SGCZ: variants seen among roughly 807,000 people sequenced by gnomAD.
The protein encoded by SGCZ is zeta-sarcoglycan.
A neutral mutation model predicts 41.3 loss-of-function variants in SGCZ; 40 were observed. That is an observed-to-expected ratio of 0.97 (90% CI 0.75 to 1.26). The LOEUF is 1.26. SGCZ is among the 50% of genes most tolerant of loss of function. SGCZ has a pLI of 0.00. For synonymous variants in SGCZ, 206 were observed against 137.5 expected, an observed-to-expected ratio of 1.50 and a Z score of -3.49; for missense variants, 552 against 369.8, an observed-to-expected ratio of 1.49 and a Z score of -4.04.
At chr8:14,300,948 T>G (rs1801164308) in intron 3 of SGCZ, among the ~76,000 whole-genome samples, 1 of 151,666 alleles carries the variant, frequency 6.6e-6, no homozygotes, top group South Asian at 2.1e-4. Flanking sequence ...GGAGGTAGAG[T>G]GAAGATGCAG....
At chr8:14,581,372 G>C (rs1485671392) in intron 1 of SGCZ, among the ~76,000 whole-genome samples, 1 of 151,950 alleles carries the variant, frequency 6.6e-6, no homozygotes, top group African/African-American at 2.4e-5. Flanking sequence ...CTTCCAAAAT[G>C]CTGGGAATAC....
intron 2 of SGCZ, among the ~76,000 whole-genome samples, chr8:14,466,114 A>C (rs1295499177): frequency 1.3e-5 from 2 of 151,924 alleles, no homozygotes; most frequent in Non-Finnish European, 2.9e-5. Flanking sequence ...CCACCCTGAT[A>C]GAATCCCTTG....
chr8:15,233,938 C>G (rs1269246753), intron 1 of SGCZ, among the ~76,000 whole-genome samples: 1 of 152,010 alleles, frequency 6.6e-6, no homozygotes, highest in Non-Finnish European at 1.5e-5. Context: ...GATCTCAAAG[C>G]AAATAACAAT....
intron 1 of SGCZ, among the ~76,000 whole-genome samples, chr8:15,131,677 G>GT (rs34335241): frequency 4.6e-5 from 7 of 152,258 alleles, no homozygotes; most frequent in Admixed American, 4.6e-4. Context: ...TCAAGGAAAA[G>GT]TTTTTTCCTG....
chr8:14,216,742 A>AAC (rs71209020), intron 4 of SGCZ, among the ~76,000 whole-genome samples: 1 of 152,090 alleles, frequency 6.6e-6, no homozygotes, highest in Admixed American at 6.6e-5. Context: ...CTTAAAAAAA[A>AAC]CAAAAACCTA....
chr8:14,720,670 A>G (rs2130181770), intron 1 of SGCZ, among the ~76,000 whole-genome samples: 1 of 152,162 alleles, frequency 6.6e-6, no homozygotes, highest in African/African-American at 2.4e-5. Context: ...CATTCATTTA[A>G]ATATTGTCTA....
At chr8:14,325,874 A>T (rs1370309519) in intron 2 of SGCZ, among the ~76,000 whole-genome samples, 4 of 147,328 alleles carry the variant, frequency 2.7e-5, no homozygotes, top group Non-Finnish European at 6.0e-5. Context: ...GTACTTCGGA[A>T]CGTAGAGGCG....
intron 2 of SGCZ, among the ~76,000 whole-genome samples, chr8:14,339,818 CA>C (rs1211831631): frequency 9.9e-5 from 15 of 151,494 alleles, no homozygotes; most frequent in African/African-American, 3.6e-4. Context: ...AAAATATGTG[CA>C]TAAAATTGAC....
chr8:14,951,135 T>C (rs1032175131), intron 1 of SGCZ, among the ~76,000 whole-genome samples: 99 of 151,976 alleles, frequency 6.5e-4, no homozygotes, highest in African/African-American at 2.3e-3. Flanking sequence ...TGTAATCTTA[T>C]GTTTAGTCCC....
chr8:14,475,100 G>T (rs58641124), intron 2 of SGCZ, among the ~76,000 whole-genome samples: 11,606 of 152,130 alleles, frequency 0.076, 952 homozygotes, highest in African/African-American at 0.21. Context: ...CATACAAGTA[G>T]ATTCTGATAC....
At chr8:14,354,398 C>A (rs559085005) in intron 2 of SGCZ, among the ~76,000 whole-genome samples, 2 of 151,834 alleles carry the variant, frequency 1.3e-5, no homozygotes, top group Admixed American at 6.6e-5. Flanking sequence ...TATAATGATA[C>A]CACTTCGATG....
At chr8:14,122,495 A>C (rs1341564328) in intron 5 of SGCZ, among the ~76,000 whole-genome samples, 1 of 152,234 alleles carries the variant, frequency 6.6e-6, no homozygotes, top group African/African-American at 2.4e-5. Context: ...ATGTAGGTTC[A>C]TTGTATTTAA....
chr8:14,354,844 T>C lies in SGCZ; in HGVS notation c.235-30640A>G, dbSNP rs537449561. On this transcript the variant is annotated intron_variant, in intron 2 of 7. Transcript: ENST00000382080. ...ATTCTTCACACATGTTTAATTATTCTGTTAGTAAAGCAACACAAATTTTAT... is the reference window on the plus strand; with the variant it reads ...ATTCTTCACACATGTTTAATTATTCCGTTAGTAAAGCAACACAAATTTTAT... Among the ~76,000 whole-genome samples the C allele has an allele frequency of 7.0e-4, 107 of 152,008 alleles. 1 individual carries two copies. The highest frequency in any genetic ancestry group is 4.1e-3 in the South Asian group (20 of 4,832).
At chr8:14,293,626 A>G (rs1800915248) in intron 3 of SGCZ, among the ~76,000 whole-genome samples, 1 of 151,978 alleles carries the variant, frequency 6.6e-6, no homozygotes, top group South Asian at 2.1e-4. Context: ...TCCAATCTAT[A>G]TAAAATCTTC....
At chr8:14,298,947 G>A (rs201976771) in intron 3 of SGCZ, among the ~76,000 whole-genome samples, 1 of 151,954 alleles carries the variant, frequency 6.6e-6, no homozygotes, top group East Asian at 1.9e-4. Context: ...TGTAAAACTT[G>A]ATTTTAGAAT....
intron 2 of SGCZ, among the ~76,000 whole-genome samples, chr8:14,530,351 A>G (rs994828728): frequency 6.6e-6 from 1 of 152,066 alleles, no homozygotes; most frequent in Non-Finnish European, 1.5e-5. Flanking sequence ...CAAACAAACA[A>G]TAACACTATT....
Position 14,321,256 on chromosome 8 carries a change from TAC to T in SGCZ, c.336+2845_336+2846del, listed in dbSNP as rs1420147169. On this transcript the variant is annotated intron_variant, in intron 3 of 7. Transcript: ENST00000382080. ...ATTGAATTCTAAGATATTTCCTGGA[TAC>T]ACTATGATATGTTTTTCTGTTTACT... 2.4e-3 allele frequency among the ~76,000 whole-genome samples: 360 copies of T among 152,212 alleles called. 2 individuals carry two copies. The highest frequency in any genetic ancestry group is 8.3e-3 in the African/African-American group (344 of 41,556).
intron 1 of SGCZ, among the ~76,000 whole-genome samples, chr8:14,746,371 TGCTCA>T (rs199714043): frequency 0.034 from 5,182 of 152,208 alleles, 298 homozygotes; most frequent in African/African-American, 0.12. Context: ...TACCTGAATA[TGCTCA>T]ACTAATAATA....
chr8:14,219,782 GT>G (rs1482386872), intron 4 of SGCZ, among the ~76,000 whole-genome samples: 1 of 151,976 alleles, frequency 6.6e-6, no homozygotes, highest in Non-Finnish European at 1.5e-5. Context: ...GTGCTATGAA[GT>G]TTTGCCTCAT....
Sources: allele counts gnomAD v4.1 joint callset (sites outside exome capture counted in the v4.1 genomes callset), GRCh38; gene constraint gnomAD v4.1.1; transcripts MANE v1.5; gene names NCBI Gene and HGNC (gene_info 2026-07-23, HGNC 2026-07-21).